Variants in EPHA6 observed in about 807,000 individuals in gnomAD.
The protein encoded by EPHA6 is EPH receptor A6.
A neutral mutation model predicts 112.0 loss-of-function variants in EPHA6; 50 were observed. The observed-to-expected ratio is 0.45, with a 90% CI of 0.36 to 0.56. The LOEUF (loss-of-function observed/expected upper bound fraction) is 0.56. Ranked by LOEUF, EPHA6 falls within the 20% of genes least tolerant of loss-of-function variation. The pLI, the probability that EPHA6 is intolerant of heterozygous loss-of-function variation, is 0.00. For missense variants in EPHA6, 1,280 were observed against 1,417.4 expected (o/e 0.90, Z 1.56); for synonymous variants, 529 against 490.7 (o/e 1.08, Z -1.03).
In EPHA6 at chr3:97,748,916, C is replaced by G. The variant is rs1270723157; in HGVS notation, c.*215C>G. On this transcript the variant is annotated 3_prime_UTR_variant, in exon 18 of 18. Coordinates refer to ENST00000389672, the MANE Select transcript of EPHA6 (RefSeq NM_001080448.3). ...GAATAACCTGCAACTAAAACCCTGG[C>G]CCACTGCAGATTATTGCTACGCAAT... The G allele has an allele frequency of 1.9e-6, 1 of 531,996 alleles. No individual in the cohort carries two copies. Among genetic ancestry groups the G allele is most frequent in the African/African-American group, 1.9e-5 (1 of 52,880 alleles). 33.0% of individuals were successfully genotyped at this position (531,996 alleles called of 1,614,324 possible).
chr3:97,279,825 G>A (rs1310820497), intron 5 of EPHA6, among the ~76,000 whole-genome samples: 3 of 152,186 alleles, frequency 2.0e-5, no homozygotes, highest in African/African-American at 7.2e-5. Flanking sequence ...TTTTATTGAA[G>A]AGTAGAAATA....
chr3:97,518,528 CT>C lies in EPHA6; in HGVS notation c.2201-13821del, dbSNP rs570618227. ...TGTGGTCGTTCTTTTGTTTGTTTGC[CT>C]TTTTTTTTCTTTTTGAGAGATCCTC... is the stretch of plus-strand genomic sequence containing the variant. On this transcript the variant is annotated intron_variant, in intron 10 of 17. Coordinates refer to ENST00000389672, the MANE Select transcript of EPHA6 (RefSeq NM_001080448.3). Among the ~76,000 whole-genome samples, 102 of 150,252 alleles carry C rather than the reference CT, an allele frequency of 6.8e-4. 1 individual carries two copies. In the East Asian group the frequency reaches 8.8e-3, roughly 13 times the overall value.
chr3:97,599,782 A>T (rs1201074600), intron 12 of EPHA6, among the ~76,000 whole-genome samples: 1 of 152,084 alleles, frequency 6.6e-6, no homozygotes, highest in Non-Finnish European at 1.5e-5. Flanking sequence ...ACTTTAAAGT[A>T]GTTTTTTCCA....
At chr3:96,881,428 T>C (rs748502847) in intron 2 of EPHA6, among the ~76,000 whole-genome samples, 4 of 152,102 alleles carry the variant, frequency 2.6e-5, no homozygotes, top group African/African-American at 7.2e-5. Flanking sequence ...CTTAAAAAAC[T>C]ATCAGGTCTC....
intron 14 of EPHA6, among the ~76,000 whole-genome samples, chr3:97,685,014 A>G (rs1044961926): frequency 1.3e-5 from 2 of 152,090 alleles, no homozygotes; most frequent in Non-Finnish European, 2.9e-5. Context: ...TATGTGTAGG[A>G]CACAAATCTA....
chr3:97,391,084 C>T (rs2086368397), intron 5 of EPHA6, among the ~76,000 whole-genome samples: 1 of 151,842 alleles, frequency 6.6e-6, no homozygotes, highest in South Asian at 2.1e-4. Context: ...ATAACCTTTC[C>T]TTTATTTTCT....
chr3:96,980,686 A>G (rs1261100434), intron 2 of EPHA6, among the ~76,000 whole-genome samples: 1 of 152,172 alleles, frequency 6.6e-6, no homozygotes, highest in Non-Finnish European at 1.5e-5. Flanking sequence ...ACCCATGAGC[A>G]TGGAATGTTC....
At chr3:96,976,698 C>G (rs78078973) in intron 2 of EPHA6, among the ~76,000 whole-genome samples, 2,705 of 152,232 alleles carry the variant, frequency 0.018, 70 homozygotes, top group African/African-American at 0.05. Flanking sequence ...CTTGCCCGTT[C>G]ACTCCTCTGG....
intron 2 of EPHA6, among the ~76,000 whole-genome samples, chr3:96,874,848 A>C (rs905254606): frequency 6.6e-6 from 1 of 152,134 alleles, no homozygotes; most frequent in African/African-American, 2.4e-5. Context: ...AGATACATGC[A>C]GAAGGGTTAG....
intron 3 of EPHA6, among the ~76,000 whole-genome samples, chr3:97,010,761 T>C (rs1420881907): frequency 6.6e-6 from 1 of 152,122 alleles, no homozygotes; most frequent in Non-Finnish European, 1.5e-5. Context: ...CGGGTTCAAG[T>C]GATTCTTGTG....
At position 97,369,047 on chromosome 3, in the gene EPHA6, C is replaced by T. The variant is rs143510417; in HGVS notation, c.1607-36103C>T. Among the ~76,000 whole-genome samples, 1,043 of 152,148 alleles carry T rather than the reference C, an allele frequency of 6.9e-3. 14 individuals are homozygous for T. The highest frequency in any genetic ancestry group is 0.023 in the African/African-American group (937 of 41,506). ...GGCCATATGAACAGCATTCCAAAAA[C>T]GAGAAGAAACATGTGCAATGTCCCT... On this transcript the variant is annotated intron_variant, in intron 5 of 17. Coordinates refer to ENST00000389672, the MANE Select transcript of EPHA6 (RefSeq NM_001080448.3).
At chr3:96,960,641 A>G (rs916302795) in intron 2 of EPHA6, among the ~76,000 whole-genome samples, 1 of 152,202 alleles carries the variant, frequency 6.6e-6, no homozygotes, top group South Asian at 2.1e-4. Flanking sequence ...TGTCTTTAGG[A>G]CCATCACAGG....
At chr3:96,996,130 C>T (rs2043410981) in intron 3 of EPHA6, among the ~76,000 whole-genome samples, 1 of 152,112 alleles carries the variant, frequency 6.6e-6, no homozygotes, top group African/African-American at 2.4e-5. Context: ...TAGATTCTGT[C>T]TCAAGAAACC....
intron 11 of EPHA6, among the ~76,000 whole-genome samples, chr3:97,582,662 T>C (rs1419275339): frequency 2.0e-5 from 3 of 152,158 alleles, no homozygotes; most frequent in Non-Finnish European, 4.4e-5. Flanking sequence ...TTTCAATTGT[T>C]TCAAGACTGA....
rs143079658 is a variant in EPHA6, at chr3:97,544,521, G to A, written c.2386+11978G>A. 6.6e-3 allele frequency among the ~76,000 whole-genome samples: 1,003 copies of A among 152,252 alleles called. 10 individuals are homozygous for A. The highest frequency in any genetic ancestry group is 0.035 in the East Asian group (181 of 5,180). On this transcript the variant is annotated intron_variant, in intron 11 of 17. Coordinates refer to ENST00000389672, the MANE Select transcript of EPHA6 (RefSeq NM_001080448.3). ...GTATTTTACTGAGGATTTTTGCATC[G>A]ATGTTCATCAAGGACATTGGTCTAA...
At chr3:97,460,025 A>G (rs2090831768) in intron 7 of EPHA6, among the ~76,000 whole-genome samples, 1 of 152,214 alleles carries the variant, frequency 6.6e-6, no homozygotes, top group Non-Finnish European at 1.5e-5. Context: ...TATCTGGGAA[A>G]CTTAGTGAAT....
chr3:97,570,250 G>C (rs1010822297), intron 11 of EPHA6, among the ~76,000 whole-genome samples: 2 of 152,174 alleles, frequency 1.3e-5, no homozygotes, highest in African/African-American at 4.8e-5. Flanking sequence ...AAAGAGACAT[G>C]AGTTGGGATT....
Position 96,821,389 on chromosome 3 carries a change from T to C in EPHA6, c.385+6381T>C, listed in dbSNP as rs183718262. 7.2e-3 allele frequency among the ~76,000 whole-genome samples: 1,100 copies of C among 152,068 alleles called. 15 individuals are homozygous for C. The highest frequency in any genetic ancestry group is 0.025 in the African/African-American group (1,020 of 41,552). ...AATCTTACATTTTACTTTAGTGCTT[T>C]AGAATGTTCTGGAAAATACTATTTT... is the stretch of plus-strand genomic sequence containing the variant. On this transcript the variant is annotated intron_variant, in intron 1 of 17. Transcript: ENST00000389672.
chr3:96,885,772 T>A (rs571354361), intron 2 of EPHA6, among the ~76,000 whole-genome samples: 83 of 152,192 alleles, frequency 5.5e-4, no homozygotes, highest in Middle Eastern at 3.4e-3. Context: ...TGGGTTTGGG[T>A]TTGGTTTGTT....
Sources: allele counts gnomAD v4.1 joint callset (sites outside exome capture counted in the v4.1 genomes callset), GRCh38; gene constraint gnomAD v4.1.1; transcripts MANE v1.5; gene names NCBI Gene and HGNC (gene_info 2026-07-23, HGNC 2026-07-21).